Variants in KCNH8 observed in about 807,000 individuals in gnomAD.
The protein encoded by KCNH8 is voltage-gated delayed rectifier potassium channel KCNH8.
KCNH8 carries 70 observed loss-of-function variants against 103.6 expected under a neutral mutation model. The observed-to-expected ratio is 0.68, with a 90% CI of 0.56 to 0.82. KCNH8 has a LOEUF of 0.82. KCNH8 is among the 40% of genes least tolerant of loss of function. The probability of loss-of-function intolerance (pLI) is 0.00; values close to 1 mark genes in which losing one functional copy is unlikely to be tolerated. For synonymous variants in KCNH8, 498 were observed against 489.4 expected (o/e 1.02, Z -0.23); for missense variants, 1,217 against 1,329.9 (o/e 0.92, Z 1.32).
intron 11 of KCNH8, among the ~76,000 whole-genome samples, chr3:19,468,041 T>G (rs1267599533): frequency 1.3e-5 from 2 of 152,038 alleles, no homozygotes; most frequent in Admixed American, 6.5e-5. Flanking sequence ...TGCCCTTACC[T>G]GACAGTCTGC....
At chr3:19,491,543 A>T (rs2068321620) in intron 11 of KCNH8, among the ~76,000 whole-genome samples, 2 of 152,172 alleles carry the variant, frequency 1.3e-5, no homozygotes, top group Non-Finnish European at 2.9e-5. Flanking sequence ...ATGGTAATTT[A>T]TCACTGTGGT....
chr3:19,156,276 C>T (rs988371977), intron 1 of KCNH8, among the ~76,000 whole-genome samples: 1 of 152,092 alleles, frequency 6.6e-6, no homozygotes, highest in African/African-American at 2.4e-5. Context: ...CTTTTTGAGT[C>T]AAAGATGACA....
chr3:19,492,830 C>CGTGTGTGTGTGT (rs67383228), intron 11 of KCNH8, among the ~76,000 whole-genome samples: 2 of 123,402 alleles, frequency 1.6e-5, no homozygotes, highest in Admixed American at 1.7e-4. Context: ...AATGTTTTTT[C>CGTGTGTGTGTGT]GTGTGTGTGT....
chr3:19,273,838 C>T (rs535596625), intron 2 of KCNH8, among the ~76,000 whole-genome samples: 7 of 152,230 alleles, frequency 4.6e-5, no homozygotes, highest in Admixed American at 2.0e-4. Flanking sequence ...TAAAAATTAA[C>T]GCCACATATA....
intron 1 of KCNH8, among the ~76,000 whole-genome samples, chr3:19,219,048 C>G (rs890028929): frequency 1.3e-5 from 2 of 152,146 alleles, no homozygotes; most frequent in Admixed American, 1.3e-4. Context: ...TCTGTAACAC[C>G]TACTATGCTT....
intron 2 of KCNH8, 64 bp downstream of exon 2, chr3:19,253,951 A>T (rs1210329745): frequency 8.8e-7 from 1 of 1,133,880 alleles, no homozygotes; most frequent in Admixed American, 1.8e-5. Context: ...TCAACCTAGT[A>T]ATTGCTCCGC....
At chr3:19,461,645 T>C (rs547119440) in intron 11 of KCNH8, among the ~76,000 whole-genome samples, 1 of 152,318 alleles carries the variant, frequency 6.6e-6, no homozygotes, top group South Asian at 2.1e-4. Flanking sequence ...TTAAAAGTCA[T>C]GTGGCCACTC....
At chr3:19,289,258 T>C (rs1427820012) in intron 3 of KCNH8, among the ~76,000 whole-genome samples, 2 of 152,216 alleles carry the variant, frequency 1.3e-5, no homozygotes, top group South Asian at 4.1e-4. Flanking sequence ...ATTTTGGCTT[T>C]TGTTGCCATT....
chr3:19,284,451 G>T (rs1242747065), intron 3 of KCNH8, among the ~76,000 whole-genome samples: 1 of 151,384 alleles, frequency 6.6e-6, no homozygotes, highest in African/African-American at 2.4e-5. Context: ...TGGAAGATGA[G>T]CACAAAATTC....
chr3:19,205,049 CT>C (rs1157426389), intron 1 of KCNH8, among the ~76,000 whole-genome samples: 2 of 151,948 alleles, frequency 1.3e-5, no homozygotes, highest in East Asian at 3.9e-4. Context: ...AGTGTTTATG[CT>C]GTCTATTCGC....
rs1407710342 is a variant in KCNH8, at chr3:19,298,875, T to C, written c.442+17546T>C. Among the ~76,000 whole-genome samples the C allele has an allele frequency of 2.2e-5, 3 of 137,876 alleles. No individual in the cohort carries two copies. In the East Asian group the frequency reaches 6.3e-4, roughly 29 times the overall value. 90.5% of individuals were successfully genotyped at this position (137,876 alleles called of 152,430 possible). A position where few individuals can be genotyped will look rare whatever the true frequency, so the allele number is the denominator to read the frequency against. ...AGGCGCAGCTTGCAGTGAGCCGAGA[T>C]CGCGCCACTGCACTCCGGCCTGGGC... On this transcript the variant is annotated intron_variant, in intron 3 of 15. Transcript: ENST00000328405.
intron 2 of KCNH8, among the ~76,000 whole-genome samples, chr3:19,279,405 A>G (rs2064724191): frequency 1.3e-5 from 2 of 152,072 alleles, no homozygotes; most frequent in South Asian, 4.2e-4. Flanking sequence ...GAAGGGAACC[A>G]AGTTCCAGAT....
chr3:19,251,003 T>G (rs2064269595), intron 1 of KCNH8, among the ~76,000 whole-genome samples: 1 of 152,208 alleles, frequency 6.6e-6, no homozygotes, highest in African/African-American at 2.4e-5. Flanking sequence ...TGTGTAGTAC[T>G]TTGTCAATCC....
chr3:19,365,515 C>T (rs891430028), intron 5 of KCNH8, among the ~76,000 whole-genome samples: 4 of 151,874 alleles, frequency 2.6e-5, no homozygotes, highest in Non-Finnish European at 2.9e-5. Flanking sequence ...TTAATTGTTA[C>T]GCATTTAAGA....
chr3:19,214,262 T>C (rs1176345734), intron 1 of KCNH8, among the ~76,000 whole-genome samples: 3 of 152,222 alleles, frequency 2.0e-5, no homozygotes, highest in Non-Finnish European at 2.9e-5. Flanking sequence ...GAGTTAATAA[T>C]TCTCTATATT....
chr3:19,184,366 C>T (rs78030047), intron 1 of KCNH8, among the ~76,000 whole-genome samples: 6,276 of 151,534 alleles, frequency 0.041, 463 homozygotes, highest in African/African-American at 0.14. Flanking sequence ...AGCTATGTGA[C>T]AACAGTATAA....
At chr3:19,413,084 T>C (rs1405447676) in intron 7 of KCNH8, among the ~76,000 whole-genome samples, 1 of 151,640 alleles carries the variant, frequency 6.6e-6, no homozygotes, top group African/African-American at 2.4e-5. Context: ...ATTGCAGCAC[T>C]ATTCAAATGC....
intron 11 of KCNH8, among the ~76,000 whole-genome samples, chr3:19,499,606 A>T (rs1183637534): frequency 2.0e-5 from 3 of 152,196 alleles, no homozygotes; most frequent in Non-Finnish European, 4.4e-5. Flanking sequence ...GAAACTCTAC[A>T]GGCCAGAAGA....
chr3:19,405,895 A>C (rs578000559), intron 7 of KCNH8, among the ~76,000 whole-genome samples: 1 of 152,046 alleles, frequency 6.6e-6, no homozygotes, highest in Admixed American at 6.6e-5. Context: ...GTAGATATCC[A>C]ATGATAAATT....
Sources: gnomAD v4.1 joint callset for allele counts (sites outside exome capture counted in the v4.1 genomes callset) on GRCh38, gnomAD v4.1.1 for gene constraint, MANE v1.5 for transcripts, NCBI Gene and HGNC (gene_info 2026-07-23, HGNC 2026-07-21) for gene names.